FIGN: variants seen among roughly 807,000 people sequenced by gnomAD.
FIGN encodes the protein fidgetin.
In FIGN, 11 loss-of-function variants were observed where a neutral mutation model predicts 51.3. The ratio of observed to expected loss-of-function variants is 0.21; its 90% CI spans 0.13 to 0.35. The LOEUF is 0.35. Ranked by LOEUF, FIGN falls within the 10% of genes least tolerant of loss-of-function variation. The pLI is 1.00. For missense variants in FIGN, 857 were observed against 943.6 expected (o/e 0.91, Z 1.20); for synonymous variants, 407 against 363.2 (o/e 1.12, Z -1.37).
chr2:163,633,606 T>C (rs986831896), intron 2 of FIGN, among the ~76,000 whole-genome samples: 21 of 152,188 alleles, frequency 1.4e-4, no homozygotes, highest in African/African-American at 5.1e-4. Context: ...CTAACTAGCA[T>C]TGACAGAGTC....
At chr2:163,628,323 G>C (rs1247414952) in intron 2 of FIGN, among the ~76,000 whole-genome samples, 3 of 152,190 alleles carry the variant, frequency 2.0e-5, no homozygotes, top group Non-Finnish European at 4.4e-5. Context: ...AATAGAGAGA[G>C]AGGAGGTTTC....
intron 2 of FIGN, among the ~76,000 whole-genome samples, chr2:163,680,754 C>T (rs1044522650): frequency 4.0e-5 from 6 of 151,736 alleles, no homozygotes; most frequent in East Asian, 1.9e-4. Flanking sequence ...TTGGGGCTCC[C>T]GGAGTCCACT....
At chr2:163,663,325 T>TTTTGTTTG (rs374753641) in intron 2 of FIGN, among the ~76,000 whole-genome samples, 1,853 of 151,732 alleles carry the variant, frequency 0.012, 42 homozygotes, top group African/African-American at 0.042. Flanking sequence ...GTCAGGTTGT[T>TTTTGTTTG]TTTGTTTGTT....
At chr2:163,693,635 G>A (rs542580676) in intron 2 of FIGN, among the ~76,000 whole-genome samples, 17 of 151,982 alleles carry the variant, frequency 1.1e-4, no homozygotes, top group Admixed American at 3.9e-4. Context: ...ACACACTTAC[G>A]CACAAACACA....
chr2:163,644,579 G>A (rs934027952), intron 2 of FIGN, among the ~76,000 whole-genome samples: 12 of 152,172 alleles, frequency 7.9e-5, no homozygotes, highest in African/African-American at 1.9e-4. Flanking sequence ...TCACTCTTAC[G>A]GATATACCCA....
chr2:163,609,090 C>T lies in FIGN; in HGVS notation c.*462G>A, dbSNP rs979592164. 1 of 157,762 alleles carries T rather than the reference C, an allele frequency of 6.3e-6. No individual in the cohort carries two copies. Among genetic ancestry groups the T allele is most frequent in the African/African-American group, 2.4e-5 (1 of 41,534 alleles). 9.8% of individuals were successfully genotyped at this position (157,762 alleles called of 1,614,324 possible). ...GCAAAAATCTGGTTTTCTGTCATAA[C>T]ACAACTGTTCATCTCTTTAGTCCAA... On this transcript the variant is annotated 3_prime_UTR_variant, in exon 3 of 3. Coordinates refer to ENST00000333129, the MANE Select transcript of FIGN (RefSeq NM_018086.4).
At chr2:163,731,645 T>C (rs1331132620) in intron 2 of FIGN, among the ~76,000 whole-genome samples, 1 of 151,778 alleles carries the variant, frequency 6.6e-6, no homozygotes, top group East Asian at 1.9e-4. Flanking sequence ...ACTCAGAAGA[T>C]ATCAGATACT....
intron 2 of FIGN, among the ~76,000 whole-genome samples, chr2:163,621,525 T>C (rs930876463): frequency 7.2e-5 from 11 of 152,034 alleles, no homozygotes; most frequent in Non-Finnish European, 1.6e-4. Context: ...AAATAAGACG[T>C]TGTAAGAAGA....
rs140009940 is a variant in FIGN at position 163,728,986 on chromosome 2, C to T, written c.25+5917G>A. ...GTTTAGAACGACATACAGAAACCCA[C>T]GGCTTCACATTGCACTACCTTTAAA... On this transcript the variant is annotated intron_variant, in intron 2 of 2. Coordinates refer to ENST00000333129, the MANE Select transcript of FIGN (RefSeq NM_018086.4). Among the ~76,000 whole-genome samples, 1,327 of 152,234 alleles carry T rather than the reference C, an allele frequency of 8.7e-3. 22 individuals carry two copies. Among genetic ancestry groups the T allele is most frequent in the African/African-American group, 0.031 (1,269 of 41,534 alleles).
At chr2:163,672,079 C>T (rs908555826) in intron 2 of FIGN, among the ~76,000 whole-genome samples, 2 of 152,078 alleles carry the variant, frequency 1.3e-5, no homozygotes, top group African/African-American at 2.4e-5. Flanking sequence ...GCCAAATCAT[C>T]CCTGTTGCTG....
chr2:163,610,768 C>G lies in FIGN; in HGVS notation c.1064G>C (p.Ser355Thr), dbSNP rs1558994182. The change falls in exon 3 of 3, where the codon AGC (serine) becomes ACC (threonine). Residue 355 changes from serine (S) to threonine (T), a missense_variant. Around this residue, in one of 3 missense-constraint regions of FIGN, gnomAD observed 799 missense variants for 849.5 expected, o/e 0.94. Coordinates refer to ENST00000333129, the MANE Select transcript of FIGN (RefSeq NM_018086.4). ...QSPMYRMPDN[S>T]ISNTNRGNGF... is the part of the protein sequence containing the mutation. Reference sequence around the variant, plus strand: ...ATTCCCCCGATTTGTGTTTGAAATGCTGTTGTCGGGCATTCTGTACATAGG... The same window carrying G: ...ATTCCCCCGATTTGTGTTTGAAATGGTGTTGTCGGGCATTCTGTACATAGG... 4 of 1,614,152 alleles carry G rather than the reference C, an allele frequency of 2.5e-6. No individual in the cohort carries two copies. Among genetic ancestry groups the G allele is most frequent in the Non-Finnish European group, 2.5e-6 (3 of 1,180,028 alleles).
intron 2 of FIGN, among the ~76,000 whole-genome samples, chr2:163,675,208 T>C (rs1683937353): frequency 6.6e-6 from 1 of 152,218 alleles, no homozygotes; most frequent in South Asian, 2.1e-4. Context: ...CCCCCTTTTC[T>C]TGTCACTTCT....
chr2:163,734,211 G>A (rs929601505), intron 2 of FIGN, among the ~76,000 whole-genome samples: 3 of 151,836 alleles, frequency 2.0e-5, no homozygotes, highest in South Asian at 2.1e-4. Flanking sequence ...AGTAAAAAGC[G>A]CTGACAGGCA....
chr2:163,735,932 T>C lies in FIGN; in HGVS notation c.-240A>G, dbSNP rs1316292459. On this transcript the variant is annotated 5_prime_UTR_variant, in exon 1 of 3. Coordinates refer to ENST00000333129, the MANE Select transcript of FIGN (RefSeq NM_018086.4). ...AGCTAGGGTTAAGTGAAGGTGCCTA[T>C]GATTTGAAATCATTCCAAGTTTTTG... The C allele has an allele frequency of 6.5e-6, 1 of 152,706 alleles. No individual in the cohort carries two copies. The highest frequency in any genetic ancestry group is 1.5e-5 in the Non-Finnish European group (1 of 68,074). The allele number at this position is 152,706 out of a possible 1,614,324, so 9.5% of individuals were successfully genotyped here.
intron 2 of FIGN, among the ~76,000 whole-genome samples, chr2:163,626,047 G>T (rs145914685): frequency 1.3e-5 from 2 of 151,958 alleles, no homozygotes; most frequent in Non-Finnish European, 2.9e-5. Context: ...CAAGCTTCAC[G>T]ACTCCTAATT....
At chr2:163,728,397 AACACACACACAC>A (rs60526284) in intron 2 of FIGN, among the ~76,000 whole-genome samples, 8 of 141,834 alleles carry the variant, frequency 5.6e-5, no homozygotes, top group African/African-American at 1.3e-4. Flanking sequence ...CAAACCATTA[AACACACACACAC>A]ACACACACAC....
chr2:163,695,004 G>A (rs1684294565), intron 2 of FIGN, among the ~76,000 whole-genome samples: 1 of 152,000 alleles, frequency 6.6e-6, no homozygotes, highest in Non-Finnish European at 1.5e-5. Context: ...GCCCCAGACT[G>A]CACTTTCCGC....
chr2:163,633,648 A>T (rs1683183005), intron 2 of FIGN, among the ~76,000 whole-genome samples: 1 of 152,210 alleles, frequency 6.6e-6, no homozygotes, highest in Admixed American at 6.5e-5. Context: ...TTGGTATTGT[A>T]CTGACCTTTG....
At chr2:163,635,106 AT>A (rs1429192228) in intron 2 of FIGN, among the ~76,000 whole-genome samples, 2 of 152,218 alleles carry the variant, frequency 1.3e-5, no homozygotes, top group Non-Finnish European at 2.9e-5. Context: ...TACTATGTGT[AT>A]GCTTAATTTC....
Sources: allele counts gnomAD v4.1 joint callset (sites outside exome capture counted in the v4.1 genomes callset), GRCh38; gene constraint gnomAD v4.1.1; regional missense constraint gnomAD v4.1.1; transcripts MANE v1.5; gene names NCBI Gene and HGNC (gene_info 2026-07-23, HGNC 2026-07-21).